The following IHO1 variants were observed in gnomAD, a reference collection of about 807,000 sequenced individuals.
IHO1 encodes the protein interactor of HORMAD1 protein 1.
Under a neutral mutation model 31.0 loss-of-function variants are expected in IHO1, and 13 were observed. That is an observed-to-expected ratio of 0.42 (90% CI 0.27 to 0.67). IHO1 has a LOEUF of 0.67. Among genes scored for constraint, IHO1 ranks in the 30% least tolerant of loss-of-function variants. The probability of loss-of-function intolerance (pLI) is 0.24; values close to 1 mark genes in which losing one functional copy is unlikely to be tolerated. For missense variants in IHO1, 599 were observed against 687.5 expected (o/e 0.87, Z 1.44); for synonymous variants, 221 against 248.4 (o/e 0.89, Z 1.04).
At chr3:49,203,007 C>T (rs868778365) in intron 1 of IHO1, among the ~76,000 whole-genome samples, 1 of 151,914 alleles carries the variant, frequency 6.6e-6, no homozygotes, top group African/African-American at 2.4e-5. Context: ...GGACTACAGG[C>T]GCCCGCCACC....
At chr3:49,203,654 A>G (rs1385883726) in intron 1 of IHO1, among the ~76,000 whole-genome samples, 1 of 152,208 alleles carries the variant, frequency 6.6e-6, no homozygotes, top group Non-Finnish European at 1.5e-5. Context: ...TTTAAGGTAA[A>G]CAATATTTTT....
intron 6 of IHO1, among the ~76,000 whole-genome samples, chr3:49,255,057 C>G (rs1363871764): frequency 6.8e-6 from 1 of 147,732 alleles, no homozygotes; most frequent in African/African-American, 2.5e-5. Flanking sequence ...AGCTAGTCTC[C>G]GTCTCAAAAA....
At chr3:49,229,848 A>G (rs767365142) in intron 2 of IHO1, among the ~76,000 whole-genome samples, 20 of 152,160 alleles carry the variant, frequency 1.3e-4, no homozygotes, top group Non-Finnish European at 2.4e-4. Flanking sequence ...TTCTGTACCT[A>G]TAAATTTATG....
chr3:49,256,061 C>G lies in IHO1; in HGVS notation c.637-73C>G, dbSNP rs1280389449. The G allele has an allele frequency of 7.7e-7, 1 of 1,296,630 alleles. No individual in the cohort carries two copies. Among genetic ancestry groups the G allele is most frequent in the Non-Finnish European group, 1.1e-6 (1 of 930,036 alleles). 80.3% of individuals were successfully genotyped at this position (1,296,630 alleles called of 1,614,324 possible). ...TGGTTCTGCTGTCACATCCATTGGT[C>G]TGTTCTCATGTTTTATTGTGCTTTC... On this transcript the variant is annotated intron_variant, in intron 7 of 7. Transcript: ENST00000452691. The surrounding 1 kb of genome is among the most constrained non-coding windows in gnomAD (Gnocchi z 4.6).
chr3:49,233,493 C>G (rs1305486070), intron 2 of IHO1, among the ~76,000 whole-genome samples: 2 of 152,336 alleles, frequency 1.3e-5, no homozygotes, highest in Middle Eastern at 3.4e-3. Flanking sequence ...GAGCATCAGA[C>G]AGATTAGCAG....
intron 6 of IHO1, 36 bp from the exon 7 acceptor site, chr3:49,255,354 T>C: frequency 7.0e-7 from 1 of 1,435,212 alleles, no homozygotes; most frequent in Non-Finnish European, 9.6e-7. Context: ...CCATACATAG[T>C]CTTCAGGAGG....
At chr3:49,221,914 C>CTA (rs752793420) in intron 2 of IHO1, among the ~76,000 whole-genome samples, 5 of 152,204 alleles carry the variant, frequency 3.3e-5, no homozygotes, top group Non-Finnish European at 5.9e-5. Context: ...AAGCCTTTTC[C>CTA]TATAAACGCC....
the IHO1 span, among the ~76,000 whole-genome samples, chr3:49,193,235 G>C: frequency 6.6e-6 from 1 of 152,144 alleles, no homozygotes; most frequent in East Asian, 1.9e-4. Context: ...AACTGGGTGT[G>C]GTGGCACACG....
Position 49,255,440 on chromosome 3 carries a change from G to A in IHO1, c.583G>A (p.Asp195Asn), listed in dbSNP as rs1375166102. 6.2e-7 allele frequency: 1 copy of A among 1,606,834 alleles called. No individual in the cohort carries two copies. Among genetic ancestry groups the A allele is most frequent in the South Asian group, 1.1e-5 (1 of 89,756 alleles). ...TGACCTGGTGTTTGAGGCAGTCCAGGACAAAGGCAACATGGAGCAGGCCAT... is the reference window on the plus strand; with the variant it reads ...TGACCTGGTGTTTGAGGCAGTCCAGAACAAAGGCAACATGGAGCAGGCCAT... Reference protein sequence around the residue: ...QNDLVFEAVQDKGNMEQAILE... With the variant: ...QNDLVFEAVQNKGNMEQAILE... The change falls in exon 7 of 8, where the codon GAC becomes AAC. Residue 195 changes from aspartate to asparagine, a missense_variant. By Grantham distance (23) the Asp-to-Asn change is conservative. Transcript: ENST00000452691.
At chr3:49,205,713 C>T (rs959097474) in intron 1 of IHO1, among the ~76,000 whole-genome samples, 7 of 150,922 alleles carry the variant, frequency 4.6e-5, no homozygotes, top group Admixed American at 1.3e-4. Flanking sequence ...TTTTCTTCTG[C>T]GTCAGCCTCC....
chr3:49,241,493 A>T, intron 4 of IHO1, 104 bp downstream of exon 4: 1 of 1,089,980 alleles, frequency 9.2e-7, no homozygotes, highest in Non-Finnish European at 1.3e-6. Context: ...AATAGCATGT[A>T]TTAGAGTTCT....
chr3:49,237,887 CTTTTTTTTTTTTT>C (rs574951773), intron 3 of IHO1, among the ~76,000 whole-genome samples: 23 of 51,442 alleles, frequency 4.5e-4, no homozygotes, highest in African/African-American at 1.1e-3. Flanking sequence ...CTGTCTTTTC[CTTTTTTTTTTTTT>C]TTTTTTTTTT....
chr3:49,208,695 T>G (rs1330693424), intron 1 of IHO1, among the ~76,000 whole-genome samples: 1 of 151,964 alleles, frequency 6.6e-6, no homozygotes, highest in Admixed American at 6.6e-5. Context: ...CCTCTATGTG[T>G]TTTTTTTATC....
chr3:49,242,089 G>T (rs2046639041), intron 4 of IHO1, among the ~76,000 whole-genome samples: 1 of 151,484 alleles, frequency 6.6e-6, no homozygotes, highest in African/African-American at 2.4e-5. Flanking sequence ...GATCACAAGC[G>T]CATGCCAGCA....
At chr3:49,226,095 A>G (rs2046413765) in intron 2 of IHO1, among the ~76,000 whole-genome samples, 1 of 152,200 alleles carries the variant, frequency 6.6e-6, no homozygotes, top group African/African-American at 2.4e-5. Flanking sequence ...CCACACTGGT[A>G]ACAAGCCCTA....
Position 49,242,013 on chromosome 3 carries a change from G to A in IHO1, c.395+624G>A, listed in dbSNP as rs190498720. Among the ~76,000 whole-genome samples the A allele has an allele frequency of 2.8e-3, 423 of 151,752 alleles. 3 individuals are homozygous for A. Among genetic ancestry groups the A allele is most frequent in the African/African-American group, 9.5e-3 (391 of 41,366 alleles). ...GACTGGAGTGCAATGGCACAATCTC[G>A]GCTCACTGAAACATCCGCCTCCTGG... is the stretch of plus-strand genomic sequence containing the variant. On this transcript the variant is annotated intron_variant, in intron 4 of 7. Transcript: ENST00000452691.
chr3:49,256,334 G>C lies in IHO1; in HGVS notation c.837G>C (p.Gln279His), dbSNP rs1178482272. ...SASQTSPPLA[Q>H]SLNLTRQEKY... ...CTCAGACGTCGCCACCTTTGGCCCAGAGCCTCAATCTCACCAGGCAGGAAA... is the reference window on the plus strand; with the variant it reads ...CTCAGACGTCGCCACCTTTGGCCCACAGCCTCAATCTCACCAGGCAGGAAA... Residue 279 changes from glutamine (Q) to histidine (H), a missense_variant, in exon 8 of 8, where the codon CAG becomes CAC. Physicochemically the swap from Gln to His is conservative, Grantham distance 24 (BLOSUM62 0). Coordinates refer to ENST00000452691, the MANE Select transcript of IHO1 (RefSeq NM_001135197.2). The surrounding 1 kb of genome is among the most constrained non-coding windows in gnomAD (Gnocchi z 4.6). The C allele has an allele frequency of 2.5e-6, 4 of 1,614,156 alleles. No individual in the cohort carries two copies. Among genetic ancestry groups the C allele is most frequent in the Non-Finnish European group, 3.4e-6 (4 of 1,180,032 alleles).
At chr3:49,193,876 C>T (rs185614464), upstream of IHO1, among the ~76,000 whole-genome samples, 92 of 150,088 alleles carry the variant, frequency 6.1e-4, no homozygotes, top group African/African-American at 2.0e-3. Flanking sequence ...GCAGAAGAAT[C>T]GCTTGAACCC....
chr3:49,201,580 G>A lies in IHO1; in HGVS notation c.-16+2007G>A, dbSNP rs142425871. ...GGAGGTTGCAGTGAGCCAAGATCGC[G>A]CCACTCCACTCCAGGCTGGTCGACA... On this transcript the variant is annotated intron_variant, in intron 1 of 7. Coordinates refer to ENST00000452691, the MANE Select transcript of IHO1 (RefSeq NM_001135197.2). 6.0e-3 allele frequency among the ~76,000 whole-genome samples: 901 copies of A among 150,966 alleles called. 11 individuals carry two copies. The highest frequency in any genetic ancestry group is 0.02 in the African/African-American group (836 of 41,066).
Sources: gnomAD v4.1 joint callset for allele counts (sites outside exome capture counted in the v4.1 genomes callset) on GRCh38, gnomAD v4.1.1 for gene constraint, Gnocchi (gnomAD v3.1) non-coding constraint, MANE v1.5 for transcripts, NCBI Gene and HGNC (gene_info 2026-07-23, HGNC 2026-07-21) for gene names.